PRKCB: variants seen among roughly 807,000 people sequenced by gnomAD.
PRKCB encodes protein kinase C beta type.
A neutral mutation model predicts 81.5 loss-of-function variants in PRKCB; 13 were observed. That is an observed-to-expected ratio of 0.16 (90% CI 0.10 to 0.25). PRKCB has a LOEUF of 0.25. Among genes scored for constraint, PRKCB ranks in the 10% least tolerant of loss-of-function variants. The pLI is 1.00. For synonymous variants in PRKCB, 335 were observed against 321.4 expected (o/e 1.04, Z -0.45); for missense variants, 509 against 875.7 (o/e 0.58, Z 5.29).
At position 24,217,883 on chromosome 16, in the gene PRKCB, G is replaced by A. The variant is rs1227227895; in HGVS notation, c.*3067G>A. 7.1e-6 allele frequency: 7 copies of A among 985,198 alleles called. No individual in the cohort carries two copies. The highest frequency in any genetic ancestry group is 7.0e-5 in the African/African-American group (4 of 57,182). The allele number at this position is 985,198 out of a possible 1,614,324, so 61.0% of individuals were successfully genotyped here. ...CCTAACACAGTTCAGTTCATACAGG[G>A]GTTCAAAAGGGACAGTGGCCCATTT... On this transcript the variant is annotated 3_prime_UTR_variant, in exon 17 of 17. Coordinates refer to ENST00000643927, the MANE Select transcript of PRKCB (RefSeq NM_002738.7).
intron 16 of PRKCB, among the ~76,000 whole-genome samples, chr16:24,203,501 A>T (rs570291585): frequency 7.9e-5 from 12 of 152,246 alleles, no homozygotes; most frequent in African/African-American, 2.9e-4. Flanking sequence ...ACACTGTTGC[A>T]TTGGGGATTA....
chr16:23,945,718 C>T (rs1964196811), intron 2 of PRKCB, among the ~76,000 whole-genome samples: 1 of 128,254 alleles, frequency 7.8e-6, no homozygotes, highest in Admixed American at 7.6e-5. Flanking sequence ...AGTTGGCTCT[C>T]TGGTAAAAAA....
chr16:24,197,963 C>T (rs1048832243), intron 16 of PRKCB, among the ~76,000 whole-genome samples: 66 of 152,284 alleles, frequency 4.3e-4, no homozygotes, highest in African/African-American at 1.6e-3. Flanking sequence ...CGCTGGCTTG[C>T]AGGGCATAGA....
At chr16:23,960,500 T>C (rs1290283787) in intron 2 of PRKCB, among the ~76,000 whole-genome samples, 1 of 152,082 alleles carries the variant, frequency 6.6e-6, no homozygotes, top group Non-Finnish European at 1.5e-5. Context: ...CTAGGGTACA[T>C]GTGCAGGATG....
chr16:23,935,488 G>A (rs1014549520), intron 2 of PRKCB, among the ~76,000 whole-genome samples: 6 of 152,074 alleles, frequency 3.9e-5, no homozygotes, highest in African/African-American at 1.2e-4. Flanking sequence ...GGGACCCAAA[G>A]GAGCATACAA....
intron 10 of PRKCB, among the ~76,000 whole-genome samples, chr16:24,156,324 G>C (rs990735652): frequency 1.3e-5 from 2 of 151,924 alleles, no homozygotes; most frequent in Admixed American, 6.6e-5. Flanking sequence ...TCCCCAGCTA[G>C]AGTGCAGTGG....
At chr16:24,021,787 C>T (rs1965408409) in intron 3 of PRKCB, among the ~76,000 whole-genome samples, 1 of 152,244 alleles carries the variant, frequency 6.6e-6, no homozygotes, top group South Asian at 2.1e-4. Flanking sequence ...ACCAGGATAA[C>T]AGTCTAACTC....
intron 12 of PRKCB, among the ~76,000 whole-genome samples, chr16:24,177,127 T>G (rs1163451956): frequency 5.3e-5 from 8 of 152,278 alleles, no homozygotes; most frequent in Non-Finnish European, 1.0e-4. Flanking sequence ...ACTACAAGTT[T>G]ATTGGAAGAA....
At chr16:24,155,708 A>G (rs1398015250) in intron 10 of PRKCB, among the ~76,000 whole-genome samples, 2 of 152,230 alleles carry the variant, frequency 1.3e-5, no homozygotes, top group Non-Finnish European at 2.9e-5. Context: ...ACACTACAGT[A>G]CTTTGCATCT....
chr16:24,219,097 TTCC>T lies in PRKCB; in HGVS notation c.*4283_*4285del, dbSNP rs1968279038. ...TGAAGAGGTCGGAGCATCATACAGA[TTCC>T]TTTATTAGCCCACATTCTGATGTTC... On this transcript the variant is annotated 3_prime_UTR_variant, in exon 17 of 17. Transcript: ENST00000643927. 1 of 985,254 alleles carries T rather than the reference TTCC, an allele frequency of 1.0e-6. No individual in the cohort carries two copies. Among genetic ancestry groups the T allele is most frequent in the African/African-American group, 1.7e-5 (1 of 57,192 alleles). 61.0% of individuals were successfully genotyped at this position (985,254 alleles called of 1,614,324 possible). A position where few individuals can be genotyped will look rare whatever the true frequency, so the allele number is the denominator to read the frequency against.
At chr16:24,193,618 A>G (rs1320997633) in intron 16 of PRKCB, among the ~76,000 whole-genome samples, 1 of 152,096 alleles carries the variant, frequency 6.6e-6, no homozygotes, top group East Asian at 1.9e-4. Flanking sequence ...CCCAGCCAAG[A>G]GAATCATCTC....
intron 2 of PRKCB, among the ~76,000 whole-genome samples, chr16:23,878,867 C>G (rs181832866): frequency 1.4e-4 from 22 of 152,190 alleles, no homozygotes; most frequent in African/African-American, 5.1e-4. Context: ...GCACAGCCTG[C>G]GTCCTTAAGA....
chr16:24,135,464 C>A (rs1374871244), intron 9 of PRKCB, among the ~76,000 whole-genome samples: 1 of 151,948 alleles, frequency 6.6e-6, no homozygotes, highest in African/African-American at 2.4e-5. Context: ...AAACGCCTGC[C>A]ACCACGCCCA....
intron 2 of PRKCB, among the ~76,000 whole-genome samples, chr16:23,896,176 T>G (rs2141120230): frequency 6.6e-6 from 1 of 152,106 alleles, no homozygotes; most frequent in African/African-American, 2.4e-5. Context: ...CCAGAATTTA[T>G]GAAAAAAAAT....
chr16:24,163,765 C>T (rs934615747), intron 10 of PRKCB, among the ~76,000 whole-genome samples: 23 of 152,220 alleles, frequency 1.5e-4, no homozygotes, highest in African/African-American at 5.5e-4. Flanking sequence ...ACTTGACATG[C>T]GTCATCTGAT....
At chr16:23,937,625 A>G (rs529038841) in intron 2 of PRKCB, among the ~76,000 whole-genome samples, 1 of 152,316 alleles carries the variant, frequency 6.6e-6, no homozygotes, top group Non-Finnish European at 1.5e-5. Flanking sequence ...TCTACCCTTC[A>G]CAGTCAACAC....
rs941349105 is a variant in PRKCB, at chr16:24,068,605, A to G, written c.530-24186A>G. On this transcript the variant is annotated intron_variant, in intron 5 of 16. Coordinates refer to ENST00000643927, the MANE Select transcript of PRKCB (RefSeq NM_002738.7). Reference sequence around the variant, plus strand: ...TTGCTCTCAGTGGGAGAGCTACTTTATCATTGCCCCAAGTGGTATGATATT... The same window carrying G: ...TTGCTCTCAGTGGGAGAGCTACTTTGTCATTGCCCCAAGTGGTATGATATT... Among the ~76,000 whole-genome samples the G allele has an allele frequency of 2.0e-5, 3 of 152,110 alleles. No individual in the cohort carries two copies. The East Asian group carries it at 5.8e-4, about 29-fold the overall frequency.
chr16:23,874,380 G>A (rs564003139), intron 2 of PRKCB, among the ~76,000 whole-genome samples: 3 of 152,204 alleles, frequency 2.0e-5, no homozygotes, highest in South Asian at 4.1e-4. Context: ...TAGATTTGGG[G>A]TTACAAATTC....
At chr16:24,022,571 A>G (rs1232696750) in intron 3 of PRKCB, among the ~76,000 whole-genome samples, 1 of 152,096 alleles carries the variant, frequency 6.6e-6, no homozygotes, top group Non-Finnish European at 1.5e-5. Context: ...AGCTCACTGC[A>G]AGCTCCGCCT....
Sources: allele counts gnomAD v4.1 joint callset (sites outside exome capture counted in the v4.1 genomes callset), GRCh38; gene constraint gnomAD v4.1.1; transcripts MANE v1.5; gene names NCBI Gene and HGNC (gene_info 2026-07-23, HGNC 2026-07-21).